RBFOX2: variants seen among roughly 807,000 people sequenced by gnomAD.
RBFOX2 encodes the protein RNA binding fox-1 homolog 2, also known as RNA binding protein fox-1 homolog 2.
In RBFOX2, 10 loss-of-function variants were observed where a neutral mutation model predicts 49.1. The observed-to-expected ratio is 0.20, with a 90% CI of 0.13 to 0.35. The LOEUF is 0.35. RBFOX2 is among the 10% of genes least tolerant of loss of function. The probability of loss-of-function intolerance (pLI) is 1.00; values close to 1 mark genes in which losing one functional copy is unlikely to be tolerated. For synonymous variants in RBFOX2, 183 were observed against 187.4 expected (o/e 0.98, Z 0.19); for missense variants, 323 against 486.9 (o/e 0.66, Z 3.17).
intron 1 of RBFOX2, among the ~76,000 whole-genome samples, chr22:35,905,702 C>A (rs976189857): frequency 6.6e-6 from 1 of 152,120 alleles, no homozygotes; most frequent in Non-Finnish European, 1.5e-5. Context: ...TGAATTATGG[C>A]TTATCCATAC....
At chr22:35,972,587 G>A (rs2056939502) in intron 1 of RBFOX2, among the ~76,000 whole-genome samples, 1 of 152,032 alleles carries the variant, frequency 6.6e-6, no homozygotes, top group Non-Finnish European at 1.5e-5. Context: ...CAGTAATATG[G>A]GGCAAGGCAG....
At chr22:35,891,701 T>C (rs1251023059) in intron 1 of RBFOX2, among the ~76,000 whole-genome samples, 1 of 152,240 alleles carries the variant, frequency 6.6e-6, no homozygotes, top group South Asian at 2.1e-4. Context: ...TCTATAATTA[T>C]GTTTATTGGA....
At chr22:36,026,174 G>A (rs898408416) in intron 1 of RBFOX2, among the ~76,000 whole-genome samples, 3 of 151,614 alleles carry the variant, frequency 2.0e-5, no homozygotes, top group Admixed American at 1.3e-4. Flanking sequence ...GCTGAGGCAG[G>A]AGAATCCCTT....
chr22:35,860,373 G>C (rs559150284), intron 1 of RBFOX2, among the ~76,000 whole-genome samples: 1 of 152,340 alleles, frequency 6.6e-6, no homozygotes, highest in East Asian at 1.9e-4. Context: ...CCAGACATGA[G>C]AGTGAGGTTA....
At chr22:35,989,544 T>C (rs953549671) in intron 1 of RBFOX2, among the ~76,000 whole-genome samples, 3 of 152,144 alleles carry the variant, frequency 2.0e-5, no homozygotes, top group Non-Finnish European at 2.9e-5. Flanking sequence ...CAGACAACTA[T>C]TTTAAGAAGG....
exon 1 of RBFOX2, chr22:35,961,586 C>G: frequency 1.5e-5 from 20 of 1,304,100 alleles, no homozygotes; most frequent in Non-Finnish European, 2.0e-5. Context: ...CTGGGCTGGT[C>G]CATGGAATCT....
chr22:35,997,362 T>G (rs16996261), intron 1 of RBFOX2: 33,632 of 151,822 alleles, frequency 0.22, 5,757 homozygotes, highest in African/African-American at 0.48. Flanking sequence ...GCCAACAAAA[T>G]CTCCTCTAAC....
chr22:35,804,917 T>C (rs565249670), intron 2 of RBFOX2, among the ~76,000 whole-genome samples: 54 of 152,260 alleles, frequency 3.5e-4, no homozygotes, highest in African/African-American at 1.2e-3. Context: ...AAAAGACTTA[T>C]CTGATAACGG....
At chr22:35,781,501 T>C in intron 3 of RBFOX2, 99 bp downstream of exon 4, 1 of 1,430,318 alleles carries the variant, frequency 7.0e-7, no homozygotes, top group Non-Finnish European at 9.5e-7. Flanking sequence ...TTTCAATCTA[T>C]TTGTAGTTTA....
intron 1 of RBFOX2, among the ~76,000 whole-genome samples, chr22:35,863,852 T>G (rs780803088): frequency 6.6e-6 from 1 of 152,222 alleles, no homozygotes; most frequent in Non-Finnish European, 1.5e-5. Flanking sequence ...AGCTCTGATA[T>G]GGAACTTCCC....
chr22:35,864,127 G>T (rs2043404044), intron 1 of RBFOX2, among the ~76,000 whole-genome samples: 1 of 152,068 alleles, frequency 6.6e-6, no homozygotes, highest in African/African-American at 2.4e-5. Context: ...AATCATATAT[G>T]CATAAAAGAC....
intron 1 of RBFOX2, among the ~76,000 whole-genome samples, chr22:35,932,847 T>C (rs536247917): frequency 2.6e-5 from 4 of 152,298 alleles, no homozygotes; most frequent in African/African-American, 9.6e-5. Context: ...CGCCACTTCA[T>C]TCCAGCCTGG....
intron 1 of RBFOX2, among the ~76,000 whole-genome samples, chr22:35,915,597 A>G (rs1199514706): frequency 1.3e-5 from 2 of 152,196 alleles, no homozygotes; most frequent in Non-Finnish European, 2.9e-5. Flanking sequence ...TACAGCCACA[A>G]TGAAATTTTA....
intron 1 of RBFOX2, among the ~76,000 whole-genome samples, chr22:35,960,260 C>T (rs1487383867): frequency 1.3e-5 from 2 of 152,116 alleles, no homozygotes; most frequent in Non-Finnish European, 2.9e-5. Context: ...TTACTTAGTC[C>T]TCAAACCACA....
At position 35,990,502 on chromosome 22, in the gene RBFOX2, C is replaced by G. The variant is rs142096224; in HGVS notation, c.186+37738G>C. On this transcript the variant is annotated intron_variant, in intron 1 of 13. Transcript: ENST00000438146. ...CAGTGGGGGTAATTAAATGAGAGAA[C>G]TGAAGAGTCTTAATGAGAAAATGAG... 9.2e-5 allele frequency among the ~76,000 whole-genome samples: 14 copies of G among 152,240 alleles called. No homozygotes were observed. The East Asian group carries it at 2.3e-3, about 25-fold the overall frequency.
At chr22:35,764,638 T>C (rs1226502249) in intron 6 of RBFOX2, among the ~76,000 whole-genome samples, 3 of 151,600 alleles carry the variant, frequency 2.0e-5, no homozygotes, top group African/African-American at 7.3e-5. Flanking sequence ...TTCTAGATAT[T>C]AGTAAAAGCT....
At position 35,967,052 on chromosome 22, in the gene RBFOX2, T is replaced by C. The variant is rs572729229; in HGVS notation, c.187-28155A>G. ...GCCCAGGCTGATCTTTAACTCCTGGTCTAAAGCAATCCTCCTGCCTCAGCC... is the reference window on the plus strand; with the variant it reads ...GCCCAGGCTGATCTTTAACTCCTGGCCTAAAGCAATCCTCCTGCCTCAGCC... On this transcript the variant is annotated intron_variant, in intron 1 of 13. Transcript: ENST00000438146. Among the ~76,000 whole-genome samples, 6 of 152,084 alleles carry C rather than the reference T, an allele frequency of 3.9e-5. No homozygotes were observed. In the South Asian group the frequency reaches 1.2e-3, roughly 32 times the overall value.
intron 10 of RBFOX2, 102 bp from the exon 13 acceptor site, chr22:35,746,097 G>C: frequency 9.7e-7 from 1 of 1,032,798 alleles, no homozygotes; most frequent in Non-Finnish European, 1.5e-6. Context: ...CTTGGTCTTG[G>C]ATTATCATAA....
chr22:35,888,392 C>T (rs2046850039), intron 1 of RBFOX2, among the ~76,000 whole-genome samples: 1 of 152,188 alleles, frequency 6.6e-6, no homozygotes, highest in Non-Finnish European at 1.5e-5. Flanking sequence ...CATCAAGGTT[C>T]CGTGTGCTTA....
Sources: gnomAD v4.1 joint callset for allele counts (sites outside exome capture counted in the v4.1 genomes callset) on GRCh38, gnomAD v4.1.1 for gene constraint, MANE v1.5 for transcripts, NCBI Gene and HGNC (gene_info 2026-07-23, HGNC 2026-07-21) for gene names.